STT3B: variants seen among roughly 807,000 people sequenced by gnomAD.
STT3B encodes the protein STT3 oligosaccharyltransferase complex catalytic subunit B, also known as dolichyl-diphosphooligosaccharide--protein glycosyltransferase subunit STT3B.
STT3B carries 29 observed loss-of-function variants against 96.8 expected under a neutral mutation model. That is an observed-to-expected ratio of 0.30 (90% CI 0.22 to 0.41). The LOEUF (loss-of-function observed/expected upper bound fraction) is 0.41, where lower values mean the gene tolerates loss of function less well. Among genes scored for constraint, STT3B ranks in the 10% least tolerant of loss-of-function variants. The pLI is 1.00. For missense variants in STT3B, 640 were observed against 1,022.3 expected (o/e 0.63, Z 5.10); for synonymous variants, 367 against 360.0 (o/e 1.02, Z -0.22).
At chr3:31,583,203 G>C (rs745695722) in intron 3 of STT3B, among the ~76,000 whole-genome samples, 1 of 151,894 alleles carries the variant, frequency 6.6e-6, no homozygotes, top group Admixed American at 6.6e-5. Flanking sequence ...ATATTTTGAT[G>C]GTCTGTTATC....
chr3:31,577,052 A>T (rs977609664), intron 2 of STT3B, among the ~76,000 whole-genome samples: 1 of 152,136 alleles, frequency 6.6e-6, no homozygotes, highest in Non-Finnish European at 1.5e-5. Context: ...TGAAAGACAA[A>T]GCAACATTGT....
At chr3:31,559,417 G>T (rs1327561199) in intron 1 of STT3B, among the ~76,000 whole-genome samples, 1 of 151,320 alleles carries the variant, frequency 6.6e-6, no homozygotes, top group African/African-American at 2.4e-5. Context: ...TTTGTTCCAA[G>T]AAATTTTTTT....
chr3:31,575,320 A>G (rs1157930590), intron 1 of STT3B, among the ~76,000 whole-genome samples: 5 of 152,000 alleles, frequency 3.3e-5, no homozygotes, highest in Non-Finnish European at 7.4e-5. Flanking sequence ...TAATATTAAT[A>G]ACTCTTTCAG....
At chr3:31,618,398 C>G (rs1216136973) in intron 8 of STT3B, among the ~76,000 whole-genome samples, 1 of 149,646 alleles carries the variant, frequency 6.7e-6, no homozygotes, top group Non-Finnish European at 1.5e-5. Flanking sequence ...ACCATCTGAT[C>G]TAAGTTTTTT....
intron 13 of STT3B, among the ~76,000 whole-genome samples, chr3:31,627,797 G>A (rs116042502): frequency 1.3e-5 from 2 of 152,218 alleles, no homozygotes; most frequent in Non-Finnish European, 2.9e-5. Flanking sequence ...TGTGACATGT[G>A]ATAGATCACT....
rs1183546111 is a variant in STT3B at position 31,637,257 on chromosome 3, A to C, written c.*1193A>C. The C allele has an allele frequency of 1.3e-5, 2 of 152,220 alleles. No homozygotes were observed. The highest frequency in any genetic ancestry group is 2.9e-5 in the Non-Finnish European group (2 of 68,024). 9.4% of individuals were successfully genotyped at this position (152,220 alleles called of 1,614,324 possible). ...AAAGAGAAAGGGTTTTTCCTGCCAC[A>C]GGATATAACTTTTTTTTATATAACA... On this transcript the variant is annotated 3_prime_UTR_variant, in exon 16 of 16. Transcript: ENST00000295770.
intron 2 of STT3B, among the ~76,000 whole-genome samples, chr3:31,578,761 A>G (rs1477566221): frequency 6.6e-6 from 1 of 152,046 alleles, no homozygotes; most frequent in Non-Finnish European, 1.5e-5. Context: ...GATGCTGGGG[A>G]AAAATTTCCT....
intron 3 of STT3B, among the ~76,000 whole-genome samples, chr3:31,595,594 A>T (rs1440806144): frequency 6.6e-6 from 1 of 152,160 alleles, no homozygotes; most frequent in Non-Finnish European, 1.5e-5. Flanking sequence ...TCAATCCTAA[A>T]ATGTATACTT....
chr3:31,623,951 TTGTG>T, intron 11 of STT3B, 90 bp downstream of exon 11: 3 of 1,135,084 alleles, frequency 2.6e-6, no homozygotes, highest in Non-Finnish European at 3.7e-6. Context: ...AGAATGTTGT[TTGTG>T]AGATTCTGCA....
Position 31,636,177 on chromosome 3 carries a change from G to T in STT3B, c.*113G>T, listed in dbSNP as rs967521959. 34 of 735,504 alleles carry T rather than the reference G, an allele frequency of 4.6e-5. 1 individual carries two copies. The East Asian group carries it at 5.5e-4, about 12-fold the overall frequency. The allele number at this position is 735,504 out of a possible 1,614,324, so 45.6% of individuals were successfully genotyped here. ...AGGGTACAGAACCATCACTGGTCCA[G>T]GTTAATGTACAAAATTTTCTGGCAA... On this transcript the variant is annotated 3_prime_UTR_variant, in exon 16 of 16. Coordinates refer to ENST00000295770, the MANE Select transcript of STT3B (RefSeq NM_178862.3).
intron 1 of STT3B, among the ~76,000 whole-genome samples, chr3:31,534,364 T>C (rs1284001049): frequency 6.6e-6 from 1 of 152,064 alleles, no homozygotes; most frequent in African/African-American, 2.4e-5. Flanking sequence ...TTGCTTTAAC[T>C]TTTTTTTCGC....
At chr3:31,634,358 TATA>T in intron 15 of STT3B, among the ~76,000 whole-genome samples, 1 of 152,194 alleles carries the variant, frequency 6.6e-6, no homozygotes, top group Non-Finnish European at 1.5e-5. Flanking sequence ...TGTCTGATGA[TATA>T]GACCCCAAAG....
chr3:31,590,292 A>T (rs868757367), intron 3 of STT3B, among the ~76,000 whole-genome samples: 2 of 150,934 alleles, frequency 1.3e-5, no homozygotes, highest in Non-Finnish European at 3.0e-5. Flanking sequence ...TTTCCTTTAT[A>T]TTTTCAATTG....
intron 13 of STT3B, among the ~76,000 whole-genome samples, chr3:31,628,047 G>C (rs1370254645): frequency 6.6e-6 from 1 of 151,504 alleles, no homozygotes; most frequent in African/African-American, 2.4e-5. Context: ...TAATAACAAT[G>C]TATTGTGTAC....
chr3:31,569,826 G>A (rs2125448272), intron 1 of STT3B, among the ~76,000 whole-genome samples: 1 of 152,144 alleles, frequency 6.6e-6, no homozygotes, highest in African/African-American at 2.4e-5. Context: ...GTGTGAGTGT[G>A]TGAAATTTTC....
chr3:31,564,141 A>G (rs945391685), intron 1 of STT3B, among the ~76,000 whole-genome samples: 5 of 152,194 alleles, frequency 3.3e-5, no homozygotes, highest in African/African-American at 9.7e-5. Flanking sequence ...GTATATTTCT[A>G]TATAAAAAAA....
chr3:31,570,174 T>G (rs1444750067), intron 1 of STT3B, among the ~76,000 whole-genome samples: 1 of 152,148 alleles, frequency 6.6e-6, no homozygotes, highest in African/African-American at 2.4e-5. Flanking sequence ...TGTTTGAGTT[T>G]AATGAAGAAG....
In STT3B at chr3:31,536,054, A is replaced by C. The variant is rs115417016; in HGVS notation, c.314+2742A>C. Among the ~76,000 whole-genome samples, 400 of 152,316 alleles carry C rather than the reference A, an allele frequency of 2.6e-3. 2 individuals are homozygous for C. The highest frequency in any genetic ancestry group is 9.4e-3 in the African/African-American group (392 of 41,576). ...AATGAGAGAATCAGGTTTCAGACAA[A>C]AAAAATACCTTGTTCTTGTTTTTTT... On this transcript the variant is annotated intron_variant, in intron 1 of 15. Coordinates refer to ENST00000295770, the MANE Select transcript of STT3B (RefSeq NM_178862.3).
intron 1 of STT3B, among the ~76,000 whole-genome samples, chr3:31,563,342 A>G (rs1697926201): frequency 1.3e-5 from 2 of 152,202 alleles, no homozygotes; most frequent in Admixed American, 1.3e-4. Flanking sequence ...TCATTTAACA[A>G]ATATTTATTG....
Sources: allele counts gnomAD v4.1 joint callset (sites outside exome capture counted in the v4.1 genomes callset), GRCh38; gene constraint gnomAD v4.1.1; transcripts MANE v1.5; gene names NCBI Gene and HGNC (gene_info 2026-07-23, HGNC 2026-07-21).